DAB1: variants seen among roughly 807,000 people sequenced by gnomAD.
The protein encoded by DAB1 is DAB adaptor protein 1.
Under a neutral mutation model 64.6 loss-of-function variants are expected in DAB1, and 15 were observed. That is an observed-to-expected ratio of 0.23 (90% confidence interval 0.16 to 0.36). The LOEUF (loss-of-function observed/expected upper bound fraction) is 0.36, where lower values mean the gene tolerates loss of function less well. DAB1 is among the 10% of genes least tolerant of loss of function. DAB1 has a pLI of 1.00. For missense variants in DAB1, 596 were observed against 706.7 expected (o/e 0.84, Z 1.78); for synonymous variants, 235 against 251.9 (o/e 0.93, Z 0.64).
chr1:57,067,822 CCA>C (rs1175610944), intron 8 of DAB1, among the ~76,000 whole-genome samples: 1 of 152,206 alleles, frequency 6.6e-6, no homozygotes, highest in Non-Finnish European at 1.5e-5. Flanking sequence ...CAGCCAGACT[CCA>C]CATTTTGTGA....
intron 2 of DAB1, among the ~76,000 whole-genome samples, chr1:57,276,336 C>T (rs1164803625): frequency 6.6e-6 from 1 of 152,182 alleles, no homozygotes; most frequent in African/African-American, 2.4e-5. Context: ...ACTTTGTGAG[C>T]AGGAGGAGAA....
chr1:57,972,260 A>G (rs988996485), intron 5 of DAB1, among the ~76,000 whole-genome samples: 1 of 152,184 alleles, frequency 6.6e-6, no homozygotes, highest in Non-Finnish European at 1.5e-5. Flanking sequence ...TTTTAGAGAC[A>G]GGGTTTCACT....
At chr1:57,313,314 G>A (rs1302882472) in intron 1 of DAB1, among the ~76,000 whole-genome samples, 1 of 152,162 alleles carries the variant, frequency 6.6e-6, no homozygotes, top group African/African-American at 2.4e-5. Flanking sequence ...CCCACAATAT[G>A]ACAGTCAGGG....
At chr1:57,492,430 T>C (rs540344757) in intron 7 of DAB1, among the ~76,000 whole-genome samples, 32 of 152,294 alleles carry the variant, frequency 2.1e-4, no homozygotes, top group African/African-American at 7.2e-4. Context: ...GCAAGAGAAT[T>C]ACTCTGGAAA....
chr1:57,227,405 A>C (rs1048994723), intron 2 of DAB1, among the ~76,000 whole-genome samples: 1 of 152,198 alleles, frequency 6.6e-6, no homozygotes, highest in African/African-American at 2.4e-5. Flanking sequence ...ACACAGTAAA[A>C]CAAAATAGAT....
intron 4 of DAB1, among the ~76,000 whole-genome samples, chr1:58,237,238 A>T (rs1169778180): frequency 6.6e-6 from 1 of 152,166 alleles, no homozygotes; most frequent in African/African-American, 2.4e-5. Flanking sequence ...TGAAATAAGT[A>T]TGGATCCACA....
chr1:58,496,317 T>C (rs1645801515), intron 3 of DAB1, among the ~76,000 whole-genome samples: 1 of 152,182 alleles, frequency 6.6e-6, no homozygotes, highest in Non-Finnish European at 1.5e-5. Flanking sequence ...TTCACAAGTT[T>C]AACAATTTTC....
intron 6 of DAB1, among the ~76,000 whole-genome samples, chr1:57,709,547 G>T (rs1357996674): frequency 1.3e-5 from 2 of 152,064 alleles, no homozygotes; most frequent in Non-Finnish European, 2.9e-5. Flanking sequence ...CAAGGATGCA[G>T]ACACACCAGA....
chr1:58,473,029 G>T (rs1252882011), intron 3 of DAB1, among the ~76,000 whole-genome samples: 1 of 152,156 alleles, frequency 6.6e-6, no homozygotes, highest in Non-Finnish European at 1.5e-5. Flanking sequence ...AGAGGAAGTG[G>T]TCCCAGGAAA....
intron 6 of DAB1, among the ~76,000 whole-genome samples, chr1:57,772,272 T>G (rs1649596245): frequency 6.6e-6 from 1 of 152,160 alleles, no homozygotes; most frequent in African/African-American, 2.4e-5. Context: ...TGCATCTCAA[T>G]TTTGGACTTC....
At chr1:58,297,799 A>G (rs904670646) in intron 4 of DAB1, among the ~76,000 whole-genome samples, 3 of 152,218 alleles carry the variant, frequency 2.0e-5, no homozygotes, top group African/African-American at 4.8e-5. Context: ...TGAGAAAGAC[A>G]TTTGTAAATA....
chr1:58,442,582 G>A (rs986511395), intron 3 of DAB1, among the ~76,000 whole-genome samples: 1 of 152,088 alleles, frequency 6.6e-6, no homozygotes, highest in Non-Finnish European at 1.5e-5. Flanking sequence ...CTTTTTTTGA[G>A]GAGATGTCAA....
intron 1 of DAB1, among the ~76,000 whole-genome samples, chr1:57,296,876 G>C (rs1027503865): frequency 2.6e-5 from 4 of 152,164 alleles, no homozygotes; most frequent in Non-Finnish European, 4.4e-5. Flanking sequence ...CTAAGTCCGG[G>C]AAAAATTTTT....
intron 6 of DAB1, among the ~76,000 whole-genome samples, chr1:57,778,187 C>A (rs1333923893): frequency 6.6e-6 from 1 of 151,906 alleles, no homozygotes; most frequent in East Asian, 1.9e-4. Context: ...ATATGATAGG[C>A]ATATCATGAT....
chr1:57,001,412 C>T (rs1645862341), intron 14 of DAB1, among the ~76,000 whole-genome samples: 1 of 152,152 alleles, frequency 6.6e-6, no homozygotes, highest in Admixed American at 6.5e-5. Context: ...GCACACAAGG[C>T]CCATTAGTCT....
chr1:58,493,808 G>A (rs1184119474), intron 3 of DAB1, among the ~76,000 whole-genome samples: 1 of 152,032 alleles, frequency 6.6e-6, no homozygotes, highest in Non-Finnish European at 1.5e-5. Flanking sequence ...CTCATGGGTA[G>A]GAAGAATCAA....
chr1:58,062,935 A>G lies in DAB1; in HGVS notation n.387+87576T>C, dbSNP rs1648594480. On this transcript the variant is annotated intron_variant and non_coding_transcript_variant, in intron 5 of 20. Transcript: ENST00000485760. ...GAAAAGTCAGAGAAGGCCAGAGCCA[A>G]ACTCAGCATATGAACTAATAACTCT... 2.0e-5 allele frequency among the ~76,000 whole-genome samples: 3 copies of G among 152,242 alleles called. No homozygotes were observed. The South Asian group carries it at 6.2e-4, about 32-fold the overall frequency.
intron 3 of DAB1, among the ~76,000 whole-genome samples, chr1:58,485,578 T>C (rs187739802): frequency 2.8e-4 from 43 of 152,256 alleles, no homozygotes; most frequent in African/African-American, 9.6e-4. Context: ...TAAGATTCTA[T>C]TGGATGTCTT....
chr1:58,521,835 AAAAT>A (rs1646269673), intron 2 of DAB1, among the ~76,000 whole-genome samples: 1 of 152,218 alleles, frequency 6.6e-6, no homozygotes. Flanking sequence ...AAACGTTTAA[AAAAT>A]AAATATAGCT....
Sources: allele counts gnomAD v4.1 joint callset (sites outside exome capture counted in the v4.1 genomes callset), GRCh38; gene constraint gnomAD v4.1.1; transcripts MANE v1.5; gene names NCBI Gene and HGNC (gene_info 2026-07-23, HGNC 2026-07-21).